C6: variants seen among roughly 807,000 people sequenced by gnomAD.
C6 encodes the protein complement C6.
Under a neutral mutation model 112.9 loss-of-function variants are expected in C6, and 101 were observed. That is an observed-to-expected ratio of 0.89 (90% CI 0.76 to 1.06). C6 has a LOEUF of 1.06. C6 is among the 50% of genes least tolerant of loss of function. C6 has a pLI of 0.00. For missense variants in C6, 1,202 were observed against 1,104.6 expected, an observed-to-expected ratio of 1.09 and a Z score of -1.25; for synonymous variants, 431 against 384.1, an observed-to-expected ratio of 1.12 and a Z score of -1.43.
chr5:41,203,008 A>T, intron 2 of C6, 80 bp downstream of exon 2: 2 of 1,289,512 alleles, frequency 1.6e-6, no homozygotes, highest in African/African-American at 1.5e-5. Flanking sequence ...CCCATTGCTT[A>T]GTGTTGCACT....
At chr5:41,197,434 TAGAG>T (rs562868306) in intron 4 of C6, among the ~76,000 whole-genome samples, 30 of 152,278 alleles carry the variant, frequency 2.0e-4, no homozygotes, top group African/African-American at 7.0e-4. Context: ...TAGTTTGAAA[TAGAG>T]AGGCTATTTA....
intron 9 of C6, among the ~76,000 whole-genome samples, chr5:41,164,130 G>A (rs1322268435): frequency 2.0e-5 from 3 of 149,838 alleles, no homozygotes; most frequent in East Asian, 4.1e-4. Context: ...GAGGGAGGGA[G>A]AGAGGGAGGG....
At chr5:41,195,985 G>A (rs1561156040) in intron 4 of C6, 52 bp from the exon 5 acceptor site, 2 of 1,602,328 alleles carry the variant, frequency 1.2e-6, no homozygotes, top group Non-Finnish European at 1.7e-6. Flanking sequence ...ATTTTAGAAA[G>A]TATTTATTAA....
chr5:41,160,495 A>C (rs953486196), intron 10 of C6, 128 bp from the exon 11 acceptor site: 5 of 749,198 alleles, frequency 6.7e-6, no homozygotes, highest in Non-Finnish European at 9.5e-6. Flanking sequence ...TTATTGCAGA[A>C]TATAGTATTG....
chr5:41,234,596 T>C (rs924503186), intron 1 of C6, among the ~76,000 whole-genome samples: 4 of 152,060 alleles, frequency 2.6e-5, no homozygotes, highest in Non-Finnish European at 4.4e-5. Flanking sequence ...CTGTAGTTTC[T>C]CCAATTTTAT....
chr5:41,244,332 A>G (rs1740899342), intron 1 of C6, among the ~76,000 whole-genome samples: 1 of 152,222 alleles, frequency 6.6e-6, no homozygotes, highest in Non-Finnish European at 1.5e-5. Flanking sequence ...TAAATATTTT[A>G]CACATAAAAT....
chr5:41,256,428 TTAAAAAAAAAAAAGTAAAAA>T (rs1259559709), intron 1 of C6, among the ~76,000 whole-genome samples: 2 of 35,894 alleles, frequency 5.6e-5, no homozygotes, highest in Non-Finnish European at 1.4e-4. Context: ...TAAAGTATAA[TTAAAAAAAAAAAAGTAAAAA>T]AAAAAAAAAA....
At chr5:41,173,136 G>A (rs1303518677) in intron 8 of C6, among the ~76,000 whole-genome samples, 1 of 152,120 alleles carries the variant, frequency 6.6e-6, no homozygotes, top group Non-Finnish European at 1.5e-5. Context: ...ATGGGAATTG[G>A]GAATGATATC....
chr5:41,200,891 G>GT (rs143443464), intron 3 of C6, among the ~76,000 whole-genome samples: 4,318 of 70,540 alleles, frequency 0.061, 450 homozygotes, highest in East Asian at 0.1. Flanking sequence ...TGTTGTTGTT[G>GT]TTTTTTTTTT....
intron 4 of C6, among the ~76,000 whole-genome samples, chr5:41,197,165 A>G (rs1411622687): frequency 6.6e-6 from 1 of 152,136 alleles, no homozygotes; most frequent in Non-Finnish European, 1.5e-5. Flanking sequence ...ACTTGGTTTC[A>G]ACTTTTTTGG....
At chr5:41,187,196 GC>G (rs1168039374) in intron 5 of C6, among the ~76,000 whole-genome samples, 1 of 152,092 alleles carries the variant, frequency 6.6e-6, no homozygotes. Context: ...TAGCACCAAT[GC>G]CCTTCCCTTC....
rs1419613055 is a variant in C6, at chr5:41,235,582, G to T, written c.-21+25612C>A. On this transcript the variant is annotated intron_variant, in intron 1 of 17. Coordinates refer to the C6 transcript ENST00000263413. Reference sequence around the variant, plus strand: ...AGCAGCATGATTTATAGTCCTTTGGGTATATACTCAGTAATGGGATGGCTG... The same window carrying T: ...AGCAGCATGATTTATAGTCCTTTGGTTATATACTCAGTAATGGGATGGCTG... Among the ~76,000 whole-genome samples the T allele has an allele frequency of 8.3e-5, 12 of 144,262 alleles. No individual in the cohort carries two copies. The South Asian group carries it at 2.3e-3, about 28-fold the overall frequency. 94.6% of individuals were successfully genotyped at this position (144,262 alleles called of 152,430 possible).
intron 1 of C6, among the ~76,000 whole-genome samples, chr5:41,234,172 G>A (rs569270800): frequency 1.3e-5 from 2 of 152,020 alleles, no homozygotes; most frequent in African/African-American, 4.8e-5. Flanking sequence ...TACTACTTTT[G>A]AAGGAGAAAA....
At chr5:41,209,156 G>A (rs1031064068) in intron 1 of C6, among the ~76,000 whole-genome samples, 4 of 152,134 alleles carry the variant, frequency 2.6e-5, no homozygotes, top group Middle Eastern at 3.4e-3. Context: ...AAAGGCCTTC[G>A]ACAAAATTCA....
At chr5:41,212,735 G>A (rs887969114) in intron 1 of C6, among the ~76,000 whole-genome samples, 5 of 152,106 alleles carry the variant, frequency 3.3e-5, no homozygotes, top group Admixed American at 3.3e-4. Flanking sequence ...TCTCATAGTT[G>A]CCATCCCCTC....
rs983776095 is a variant in C6 at position 41,153,803 on chromosome 5, T to TA, written c.2290+6dup. 6.2e-7 allele frequency: 1 copy of TA among 1,606,010 alleles called. No individual in the cohort carries two copies. Among genetic ancestry groups the TA allele is most frequent in the African/African-American group, 1.3e-5 (1 of 74,852 alleles). On this transcript the variant is annotated splice_region_variant and intron_variant, in intron 15 of 17. Coordinates refer to ENST00000337836, the MANE Select transcript of C6 (RefSeq NM_000065.5). Reference sequence around the variant, plus strand: ...ATCAGACCCCAGAACACTGAGCTGCTACTCACCTTTTTCACAGGTGAGAGA... The same window carrying TA: ...ATCAGACCCCAGAACACTGAGCTGCTAACTCACCTTTTTCACAGGTGAGAGA...
intron 1 of C6, among the ~76,000 whole-genome samples, chr5:41,223,201 G>A (rs1329345294): frequency 6.6e-6 from 1 of 152,098 alleles, no homozygotes; most frequent in Non-Finnish European, 1.5e-5. Context: ...ACCACACTGG[G>A]CACTGGGGCG....
At chr5:41,163,534 G>A (rs1580083615) in intron 9 of C6, among the ~76,000 whole-genome samples, 1 of 151,878 alleles carries the variant, frequency 6.6e-6, no homozygotes, top group African/African-American at 2.4e-5. Context: ...GATGGTCTTG[G>A]TCTCCTAATC....
chr5:41,165,621 T>TAATATAA (rs1169931846), intron 9 of C6, among the ~76,000 whole-genome samples: 1 of 152,178 alleles, frequency 6.6e-6, no homozygotes, highest in Non-Finnish European at 1.5e-5. Flanking sequence ...TTTTCCTATA[T>TAATATAA]TATATGTCTT....
Sources: gnomAD v4.1 joint callset for allele counts (sites outside exome capture counted in the v4.1 genomes callset) on GRCh38, gnomAD v4.1.1 for gene constraint, MANE v1.5 for transcripts, NCBI Gene and HGNC (gene_info 2026-07-23, HGNC 2026-07-21) for gene names.